Variants in GALNT18 observed in about 807,000 individuals in gnomAD.
GALNT18 encodes polypeptide N-acetylgalactosaminyltransferase 18.
In GALNT18, 44 loss-of-function variants were observed where a neutral mutation model predicts 69.5. The ratio of observed to expected loss-of-function variants is 0.63; its 90% CI spans 0.50 to 0.81. The LOEUF (loss-of-function observed/expected upper bound fraction) is 0.81, where lower values mean the gene tolerates loss of function less well. Among genes scored for constraint, GALNT18 ranks in the 40% least tolerant of loss-of-function variants. The probability of loss-of-function intolerance (pLI) is 0.00; values close to 1 mark genes in which losing one functional copy is unlikely to be tolerated. For synonymous variants in GALNT18, 364 were observed against 318.2 expected (o/e 1.14, Z -1.53); for missense variants, 715 against 810.0 (o/e 0.88, Z 1.42).
At chr11:11,612,848 C>G (rs1355203530) in intron 1 of GALNT18, among the ~76,000 whole-genome samples, 1 of 152,236 alleles carries the variant, frequency 6.6e-6, no homozygotes, top group East Asian at 1.9e-4. Flanking sequence ...GCAGATGCCA[C>G]TTCTCTGGAT....
At position 11,480,508 on chromosome 11, in the gene GALNT18, A is replaced by G. The variant is rs1856502285; in HGVS notation, c.236-31572T>C. ...CCTTCTGAGCTGCAGTGGTCCATGA[A>G]GCACGTTGTGAACGTATCAGACACT... On this transcript the variant is annotated intron_variant, in intron 1 of 10. Transcript: ENST00000227756. The surrounding 1 kb of genome is among the most constrained non-coding windows in gnomAD (Gnocchi z 4.6). Among the ~76,000 whole-genome samples the G allele has an allele frequency of 6.6e-6, 1 of 151,614 alleles. No individual in the cohort carries two copies. Among genetic ancestry groups the G allele is most frequent in the South Asian group, 2.1e-4 (1 of 4,758 alleles).
intron 3 of GALNT18, among the ~76,000 whole-genome samples, chr11:11,407,372 G>C (rs1412942814): frequency 6.6e-6 from 1 of 152,316 alleles, no homozygotes; most frequent in East Asian, 1.9e-4. Flanking sequence ...TGAGGAAACA[G>C]ACCAGGCCAC....
intron 1 of GALNT18, among the ~76,000 whole-genome samples, chr11:11,560,445 A>G (rs1858480176): frequency 6.6e-6 from 1 of 152,210 alleles, no homozygotes; most frequent in African/African-American, 2.4e-5. Flanking sequence ...CTTAATGTGG[A>G]AGGCAATTCA....
In GALNT18 at chr11:11,358,319, C is replaced by T. The variant is rs1019658810; in HGVS notation, c.1092+14196G>A. 3.6e-4 allele frequency among the ~76,000 whole-genome samples: 50 copies of T among 140,390 alleles called. 10 individuals are homozygous for T. Among genetic ancestry groups the T allele is most frequent in the Non-Finnish European group, 6.7e-4 (42 of 62,830 alleles). The allele number at this position is 140,390 out of a possible 152,430, so 92.1% of individuals were successfully genotyped here. On this transcript the variant is annotated intron_variant, in intron 6 of 10. Transcript: ENST00000227756. ...TGAATAGACAGATGAATAATGCAAG[C>T]TTTTTGGTTATTTCCACTGTTATTT...
rs1165682389 is a variant in GALNT18, at chr11:11,584,449, T to C, written c.235+36910A>G. The stretch of plus-strand genomic sequence containing the variant: ...ATGCCGTAAGAGAAATGGGTTCCTA[T>C]TCTCCAGTGCATTTCAACTGGCCAT... On this transcript the variant is annotated intron_variant, in intron 1 of 10. Coordinates refer to ENST00000227756, the MANE Select transcript of GALNT18 (RefSeq NM_198516.3). The surrounding 1 kb of genome is among the most constrained non-coding windows in gnomAD (Gnocchi z 4.1). Among the ~76,000 whole-genome samples, 2 of 152,186 alleles carry C rather than the reference T, an allele frequency of 1.3e-5. No homozygotes were observed. The highest frequency in any genetic ancestry group is 2.9e-5 in the Non-Finnish European group (2 of 68,030).
intron 3 of GALNT18, among the ~76,000 whole-genome samples, chr11:11,392,394 C>CA (rs1487353397): frequency 6.6e-6 from 1 of 152,172 alleles, no homozygotes; most frequent in Non-Finnish European, 1.5e-5. Context: ...CCGAGGCAGG[C>CA]AGATCACCCG....
chr11:11,477,844 C>CTT (rs1397682449), intron 1 of GALNT18, among the ~76,000 whole-genome samples: 9 of 152,170 alleles, frequency 5.9e-5, no homozygotes, highest in African/African-American at 2.2e-4. Context: ...CCCCAGGAGT[C>CTT]TTGTTTATTC....
At chr11:11,498,628 A>T (rs1299816952) in intron 1 of GALNT18, among the ~76,000 whole-genome samples, 1 of 152,182 alleles carries the variant, frequency 6.6e-6, no homozygotes, top group African/African-American at 2.4e-5. Context: ...GTGAAACCTC[A>T]TCTCTACTAA....
At chr11:11,364,645 T>C (rs1850719788) in intron 6 of GALNT18, among the ~76,000 whole-genome samples, 1 of 152,150 alleles carries the variant, frequency 6.6e-6, no homozygotes, top group Non-Finnish European at 1.5e-5. Context: ...AGCAAAGAAA[T>C]TGTATATCAA....
At chr11:11,330,086 G>A (rs1255442923) in intron 8 of GALNT18, among the ~76,000 whole-genome samples, 1 of 152,170 alleles carries the variant, frequency 6.6e-6, no homozygotes, top group Non-Finnish European at 1.5e-5. Context: ...TGGACATGAA[G>A]CTCAATGATC....
rs1859219486 is a variant in GALNT18, at chr11:11,586,162, C to A, written c.235+35197G>T. ...AAATTTCTATTGTTTATAAGCCATG[C>A]CATCTAGGGTATTTTATTATAGCAG... On this transcript the variant is annotated intron_variant, in intron 1 of 10. Coordinates refer to ENST00000227756, the MANE Select transcript of GALNT18 (RefSeq NM_198516.3). The surrounding 1 kb of genome is among the most constrained non-coding windows in gnomAD (Gnocchi z 4.1). 6.6e-6 allele frequency among the ~76,000 whole-genome samples: 1 copy of A among 152,104 alleles called. No homozygotes were observed. Among genetic ancestry groups the A allele is most frequent in the Non-Finnish European group, 1.5e-5 (1 of 68,034 alleles).
In GALNT18 at chr11:11,546,602, C is replaced by A. The variant is rs1226683244; in HGVS notation, c.235+74757G>T. 1.3e-5 allele frequency among the ~76,000 whole-genome samples: 2 copies of A among 152,210 alleles called. No homozygotes were observed. The highest frequency in any genetic ancestry group is 2.9e-5 in the Non-Finnish European group (2 of 68,046). Reference sequence around the variant, plus strand: ...CAAAATCTTGACCGTGCCTTCGAAGCCTTTCCCAACCCAGATCCAGCCAAC... The same window carrying A: ...CAAAATCTTGACCGTGCCTTCGAAGACTTTCCCAACCCAGATCCAGCCAAC... On this transcript the variant is annotated intron_variant, in intron 1 of 10. Transcript: ENST00000227756. The surrounding 1 kb of genome is among the most constrained non-coding windows in gnomAD (Gnocchi z 5.8).
At chr11:11,502,236 G>A (rs1856988406) in intron 1 of GALNT18, among the ~76,000 whole-genome samples, 1 of 152,128 alleles carries the variant, frequency 6.6e-6, no homozygotes. Flanking sequence ...GCGCTCCTGG[G>A]GCCCCTTGCA....
intron 3 of GALNT18, among the ~76,000 whole-genome samples, chr11:11,384,678 A>G (rs1854006646): frequency 6.6e-6 from 1 of 152,140 alleles, no homozygotes; most frequent in African/African-American, 2.4e-5. Context: ...CCATGTGAGG[A>G]TGAGATGTGA....
intron 1 of GALNT18, among the ~76,000 whole-genome samples, chr11:11,499,265 T>G (rs1856927423): frequency 6.6e-6 from 1 of 152,220 alleles, no homozygotes; most frequent in Non-Finnish European, 1.5e-5. Context: ...TAGTCAGTAT[T>G]TCCATCAGCT....
rs879453739 is a variant in GALNT18, at chr11:11,543,010, A to G, written c.235+78349T>C. ...CTACTGTGTGGAGAAAGAGTGAATG[A>G]TATGACCTTCCTCAAGGTTGTTTCA... On this transcript the variant is annotated intron_variant, in intron 1 of 10. Transcript: ENST00000227756. This position sits in a 1 kb window ranked among gnomAD's most constrained non-coding sequence, Gnocchi z 5.1. Among the ~76,000 whole-genome samples, 1 of 152,146 alleles carries G rather than the reference A, an allele frequency of 6.6e-6. No homozygotes were observed. Among genetic ancestry groups the G allele is most frequent in the Admixed American group, 6.5e-5 (1 of 15,276 alleles).
At chr11:11,446,439 G>A (rs1855653974) in intron 2 of GALNT18, among the ~76,000 whole-genome samples, 1 of 152,096 alleles carries the variant, frequency 6.6e-6, no homozygotes, top group Non-Finnish European at 1.5e-5. Flanking sequence ...CCAAGGTCAT[G>A]GCCAAGTCCC....
At position 11,613,502 on chromosome 11, in the gene GALNT18, C is replaced by T. The variant is rs888023747; in HGVS notation, c.235+7857G>A. Among the ~76,000 whole-genome samples, 1 of 152,198 alleles carries T rather than the reference C, an allele frequency of 6.6e-6. No individual in the cohort carries two copies. Among genetic ancestry groups the T allele is most frequent in the Non-Finnish European group, 1.5e-5 (1 of 68,036 alleles). On this transcript the variant is annotated intron_variant, in intron 1 of 10. Coordinates refer to ENST00000227756, the MANE Select transcript of GALNT18 (RefSeq NM_198516.3). The surrounding 1 kb of genome is among the most constrained non-coding windows in gnomAD (Gnocchi z 4.2). ...ATAAAGGGTGGAGTAAGAATGAATG[C>T]AATGTGTTAGGAGGTGCATCCTCCT...
At position 11,613,633 on chromosome 11, in the gene GALNT18, C is replaced by G. The variant is rs967294828; in HGVS notation, c.235+7726G>C. Reference sequence around the variant, plus strand: ...CATTGCATTACAGATGGAGCTGACTCTAACCCCAAAGGCAAGTGAGATTCA... The same window carrying G: ...CATTGCATTACAGATGGAGCTGACTGTAACCCCAAAGGCAAGTGAGATTCA... On this transcript the variant is annotated intron_variant, in intron 1 of 10. Coordinates refer to ENST00000227756, the MANE Select transcript of GALNT18 (RefSeq NM_198516.3). The surrounding 1 kb of genome is among the most constrained non-coding windows in gnomAD (Gnocchi z 4.2). Among the ~76,000 whole-genome samples the G allele has an allele frequency of 3.9e-5, 6 of 152,216 alleles. No homozygotes were observed. The highest frequency in any genetic ancestry group is 1.4e-4 in the African/African-American group (6 of 41,458).
Sources: allele counts gnomAD v4.1 joint callset (sites outside exome capture counted in the v4.1 genomes callset), GRCh38; gene constraint gnomAD v4.1.1; non-coding constraint Gnocchi (gnomAD v3.1); transcripts MANE v1.5; gene names NCBI Gene and HGNC (gene_info 2026-07-23, HGNC 2026-07-21).